Variants in PRPF6 observed in about 807,000 individuals in gnomAD.
PRPF6 encodes pre-mRNA processing factor 6, also known as pre-mRNA-processing factor 6.
In PRPF6, 42 loss-of-function variants were observed where a neutral mutation model predicts 118.3. The ratio of observed to expected loss-of-function variants is 0.35; its 90% CI spans 0.28 to 0.46. The LOEUF is 0.46. Ranked by LOEUF, PRPF6 falls within the 20% of genes least tolerant of loss-of-function variation. The probability of loss-of-function intolerance (pLI) is 1.00; values close to 1 mark genes in which losing one functional copy is unlikely to be tolerated. For synonymous variants in PRPF6, 481 were observed against 485.1 expected, an observed-to-expected ratio of 0.99 and a Z score of 0.11; for missense variants, 662 against 1,255.7, an observed-to-expected ratio of 0.53 and a Z score of 7.15.
At chr20:63,988,353 C>T (rs901967986) in intron 3 of PRPF6, among the ~76,000 whole-genome samples, 13 of 149,568 alleles carry the variant, frequency 8.7e-5, no homozygotes, top group African/African-American at 2.7e-4. Context: ...AAAAATTAGC[C>T]GGGTGTGGGG....
chr20:64,003,844 C>T (rs932343331), intron 9 of PRPF6, among the ~76,000 whole-genome samples: 1 of 152,126 alleles, frequency 6.6e-6, no homozygotes, highest in East Asian at 1.9e-4. Context: ...ATGATCCACC[C>T]GCCTCGGCCT....
intron 9 of PRPF6, among the ~76,000 whole-genome samples, chr20:64,002,686 C>T (rs1380667030): frequency 6.7e-6 from 1 of 149,338 alleles, no homozygotes; most frequent in Non-Finnish European, 1.5e-5. Flanking sequence ...CTTTGTCCCC[C>T]AGGCTGGAGT....
chr20:64,027,550 T>C lies in PRPF6; in HGVS notation c.2206-53T>C. ...AGATGAGAAGCTGGGCATGGCTGTGTCCCAGTTCTTCATAGACACCACCTG... is the reference window on the plus strand; with the variant it reads ...AGATGAGAAGCTGGGCATGGCTGTGCCCCAGTTCTTCATAGACACCACCTG... On this transcript the variant is annotated intron_variant, in intron 16 of 20. Coordinates refer to ENST00000266079, the MANE Select transcript of PRPF6 (RefSeq NM_012469.4). This position sits in a 1 kb window ranked among gnomAD's most constrained non-coding sequence, Gnocchi z 6.5. 6.2e-7 allele frequency: 1 copy of C among 1,613,234 alleles called. No homozygotes were observed.
Position 63,991,557 on chromosome 20 carries a change from C to T in PRPF6, c.360-1850C>T, listed in dbSNP as rs140874796. Among the ~76,000 whole-genome samples, 893 of 151,850 alleles carry T rather than the reference C, an allele frequency of 5.9e-3. 14 individuals carry two copies. Among genetic ancestry groups the T allele is most frequent in the African/African-American group, 0.02 (841 of 41,416 alleles). ...CTATAATCCCAGCACTTTGGGAGGC[C>T]GAGGCGGGCAGATCATGAGGTCAGG... On this transcript the variant is annotated intron_variant, in intron 3 of 20. Coordinates refer to ENST00000266079, the MANE Select transcript of PRPF6 (RefSeq NM_012469.4).
intron 19 of PRPF6, among the ~76,000 whole-genome samples, chr20:64,031,349 G>A (rs2059312901): frequency 6.6e-6 from 1 of 152,254 alleles, no homozygotes; most frequent in Non-Finnish European, 1.5e-5. Context: ...ATTTTACGGA[G>A]TTGGAAGATC....
chr20:63,997,654 A>G (rs1419668839), intron 6 of PRPF6, among the ~76,000 whole-genome samples: 2 of 151,934 alleles, frequency 1.3e-5, no homozygotes, highest in African/African-American at 4.8e-5. Flanking sequence ...ACGGGGTTTC[A>G]TCATGTTGGC....
At position 64,029,588 on chromosome 20, in the gene PRPF6, C is replaced by T. The variant is rs1440990950; in HGVS notation, c.2546+97C>T. ...TCTTCCTGGTCATTGTAAAGATGCC[C>T]GGCAGCAGGGTGGGCTTCCCCGATC... On this transcript the variant is annotated intron_variant, in intron 19 of 20. Coordinates refer to ENST00000266079, the MANE Select transcript of PRPF6 (RefSeq NM_012469.4). This position sits in a 1 kb window ranked among gnomAD's most constrained non-coding sequence, Gnocchi z 4.8. 43 of 1,119,868 alleles carry T rather than the reference C, an allele frequency of 3.8e-5. No individual in the cohort carries two copies. The highest frequency in any genetic ancestry group is 2.5e-4 in the East Asian group (10 of 40,712). 69.4% of individuals were successfully genotyped at this position (1,119,868 alleles called of 1,614,324 possible). A position where few individuals can be genotyped will look rare whatever the true frequency, so the allele number is the denominator to read the frequency against.
rs914780721 is a variant in PRPF6, at chr20:64,027,892, T to C, written c.2339+156T>C. On this transcript the variant is annotated intron_variant, in intron 17 of 20. Transcript: ENST00000266079. This position sits in a 1 kb window ranked among gnomAD's most constrained non-coding sequence, Gnocchi z 6.5. Reference sequence around the variant, plus strand: ...GCTGGCCATGAAAAATCACGGTCCCTGCCTTAGGAGAGTTCGGCCTAGGTA... The same window carrying C: ...GCTGGCCATGAAAAATCACGGTCCCCGCCTTAGGAGAGTTCGGCCTAGGTA... 2.6e-5 allele frequency among the ~76,000 whole-genome samples: 4 copies of C among 152,176 alleles called. No homozygotes were observed. Among genetic ancestry groups the C allele is most frequent in the Admixed American group, 2.6e-4 (4 of 15,282 alleles).
intron 9 of PRPF6, among the ~76,000 whole-genome samples, chr20:64,009,701 A>G (rs1371950462): frequency 6.6e-6 from 1 of 152,208 alleles, no homozygotes; most frequent in Admixed American, 6.5e-5. Context: ...CAGCCTGGGC[A>G]ATAGAATGAG....
intron 11 of PRPF6, among the ~76,000 whole-genome samples, chr20:64,016,255 T>G (rs1378535526): frequency 6.6e-6 from 1 of 151,996 alleles, no homozygotes; most frequent in Non-Finnish European, 1.5e-5. Flanking sequence ...CCGAGTAAGC[T>G]GGGATTACGG....
chr20:63,993,264 A>G (rs2427583), intron 3 of PRPF6, 143 bp from the exon 4 acceptor site: 8,525 of 257,352 alleles, frequency 0.033, 322 homozygotes, highest in South Asian at 0.11. Context: ...GTGTGTGTGT[A>G]TATGTATATA....
chr20:64,027,541 A>G lies in PRPF6; in HGVS notation c.2206-62A>G, dbSNP rs1000551651. 3 of 1,611,142 alleles carry G rather than the reference A, an allele frequency of 1.9e-6. No individual in the cohort carries two copies. Among genetic ancestry groups the G allele is most frequent in the Non-Finnish European group, 2.5e-6 (3 of 1,177,608 alleles). On this transcript the variant is annotated intron_variant, in intron 16 of 20. Coordinates refer to ENST00000266079, the MANE Select transcript of PRPF6 (RefSeq NM_012469.4). The surrounding 1 kb of genome is among the most constrained non-coding windows in gnomAD (Gnocchi z 6.5). ...ACCCACTGCAGATGAGAAGCTGGGC[A>G]TGGCTGTGTCCCAGTTCTTCATAGA...
At chr20:64,004,128 A>G (rs931530016) in intron 9 of PRPF6, among the ~76,000 whole-genome samples, 1 of 152,198 alleles carries the variant, frequency 6.6e-6, no homozygotes, top group Admixed American at 6.5e-5. Flanking sequence ...GCTCACCACC[A>G]GATTGTCTGG....
intron 14 of PRPF6, among the ~76,000 whole-genome samples, chr20:64,025,633 G>A (rs2059286119): frequency 6.6e-6 from 1 of 152,182 alleles, no homozygotes; most frequent in South Asian, 2.1e-4. Flanking sequence ...GCTTTGAGAG[G>A]GCGTGGGTGG....
intron 11 of PRPF6, among the ~76,000 whole-genome samples, chr20:64,015,190 T>C (rs549368126): frequency 6.6e-6 from 1 of 152,380 alleles, no homozygotes; most frequent in African/African-American, 2.4e-5. Flanking sequence ...GGTTTGACTT[T>C]TGCCGTGGTT....
At chr20:64,022,327 GGACAGAGTGT>G (rs1166610858) in intron 12 of PRPF6, among the ~76,000 whole-genome samples, 1 of 151,912 alleles carries the variant, frequency 6.6e-6, no homozygotes, top group East Asian at 1.9e-4. Flanking sequence ...TGGAGGGGGA[GGACAGAGTGT>G]GACTCTGTCG....
At chr20:64,016,376 G>A (rs940062739) in intron 11 of PRPF6, among the ~76,000 whole-genome samples, 1 of 151,968 alleles carries the variant, frequency 6.6e-6, no homozygotes, top group African/African-American at 2.4e-5. Flanking sequence ...ATCCACCCTC[G>A]ACCTCCCAAA....
intron 3 of PRPF6, among the ~76,000 whole-genome samples, chr20:63,991,318 A>G (rs1447261449): frequency 6.6e-6 from 1 of 151,778 alleles, no homozygotes; most frequent in Non-Finnish European, 1.5e-5. Flanking sequence ...TACATTCCCA[A>G]GGCTGAGGCA....
chr20:63,987,225 A>G (rs2059098876), intron 3 of PRPF6, among the ~76,000 whole-genome samples: 1 of 148,632 alleles, frequency 6.7e-6, no homozygotes, highest in African/African-American at 2.5e-5. Flanking sequence ...AGCTATATAC[A>G]GCTGGATGGG....
Sources: gnomAD v4.1 joint callset for allele counts (sites outside exome capture counted in the v4.1 genomes callset) on GRCh38, gnomAD v4.1.1 for gene constraint, Gnocchi (gnomAD v3.1) non-coding constraint, MANE v1.5 for transcripts, NCBI Gene and HGNC (gene_info 2026-07-23, HGNC 2026-07-21) for gene names.